Variants in KIFC1 observed in about 807,000 individuals in gnomAD.
KIFC1 encodes kinesin family member C1, also known as kinesin-like protein KIFC1.
KIFC1 carries 37 observed loss-of-function variants against 66.6 expected under a neutral mutation model. The ratio of observed to expected loss-of-function variants is 0.56; its 90% CI spans 0.43 to 0.73. The LOEUF is 0.73. Among genes scored for constraint, KIFC1 ranks in the 30% least tolerant of loss-of-function variants. KIFC1 has a pLI of 0.00. For missense variants in KIFC1, 721 were observed against 859.8 expected (o/e 0.84, Z 2.02); for synonymous variants, 325 against 343.5 (o/e 0.95, Z 0.60).
Position 33,405,256 on chromosome 6 carries a change from GT to G in KIFC1, c.1164del (p.Phe388LeufsTer46). 6.2e-7 allele frequency: 1 copy of G among 1,614,216 alleles called. No individual in the cohort carries two copies. On this transcript the variant is annotated frameshift_variant, in exon 7 of 11. Coordinates refer to ENST00000428849, the MANE Select transcript of KIFC1 (RefSeq NM_002263.4). LOFTEE classifies it high-confidence loss of function. The surrounding 1 kb of genome is among the most constrained non-coding windows in gnomAD (Gnocchi z 5.4). ...CACCAGGAAGTGGACAGGATGAAGT[GT>G]TTGAAGAGATTGCCATGCTTGTCCA... ...FPPGSGQDEV[F>X]EEIAMLVQSA... is the part of the protein sequence containing the mutation.
chr6:33,403,685 A>C lies in KIFC1; in HGVS notation c.356-44A>C. The C allele has an allele frequency of 6.3e-7, 1 of 1,599,902 alleles. No individual in the cohort carries two copies. Among genetic ancestry groups the C allele is most frequent in the Non-Finnish European group, 8.5e-7 (1 of 1,170,608 alleles). On this transcript the variant is annotated intron_variant, in intron 5 of 10. Transcript: ENST00000428849. The surrounding 1 kb of genome is among the most constrained non-coding windows in gnomAD (Gnocchi z 4.6). ...AGGCTAGAAGGGAGGAGGGATAGAG[A>C]GCCTAGACTTCACTGACCTTTGTCC...
In KIFC1 at chr6:33,403,614, G is replaced by T; in HGVS notation, c.355+79G>T. The stretch of plus-strand genomic sequence containing the variant: ...GGTGAGTGACCAGAAAAATCCATTT[G>T]GTCTCTAAGGGGAAGGAGATGTAGC... On this transcript the variant is annotated intron_variant, in intron 5 of 10. Coordinates refer to ENST00000428849, the MANE Select transcript of KIFC1 (RefSeq NM_002263.4). This position sits in a 1 kb window ranked among gnomAD's most constrained non-coding sequence, Gnocchi z 4.6. 1 of 1,576,108 alleles carries T rather than the reference G, an allele frequency of 6.3e-7. No homozygotes were observed. The highest frequency in any genetic ancestry group is 8.7e-7 in the Non-Finnish European group (1 of 1,145,940).
rs527737777 is a variant in KIFC1 at position 33,396,629 on chromosome 6, A to C, written c.13-1400A>C. On this transcript the variant is annotated intron_variant, in intron 1 of 10. Transcript: ENST00000428849. ...GCTAAGGTGGATGTCTGCCTAGCTT[A>C]GCCCTCAAGCTTCTAGAATAGCCCC... is the stretch of plus-strand genomic sequence containing the variant. Among the ~76,000 whole-genome samples the C allele has an allele frequency of 1.2e-3, 176 of 151,266 alleles. 1 individual carries two copies. In the South Asian group the frequency reaches 0.016, roughly 13 times the overall value.
chr6:33,396,075 T>A (rs1775017517), intron 1 of KIFC1, among the ~76,000 whole-genome samples: 1 of 152,228 alleles, frequency 6.6e-6, no homozygotes, highest in African/African-American at 2.4e-5. Flanking sequence ...GTGCTCACAG[T>A]CTTATGTAGG....
chr6:33,398,463 A>C (rs1775207780), intron 3 of KIFC1, 76 bp downstream of exon 3: 1 of 1,159,682 alleles, frequency 8.6e-7, no homozygotes, highest in African/African-American at 1.6e-5. Flanking sequence ...CTTTTCTTTC[A>C]ATTTTATTTT....
In KIFC1 at chr6:33,409,646, G is replaced by A. The variant is rs750247676; in HGVS notation, c.1978G>A (p.Val660Met). ...ATCCTGTCTAACCCCCTGCCCCCAGGTGAACCAGTGTGTTATTGGTACTGC... is the reference window on the plus strand; with the variant it reads ...ATCCTGTCTAACCCCCTGCCCCCAGATGAACCAGTGTGTTATTGGTACTGC... ...SLNSLRFASKVNQCVIGTAQA... is the reference protein window; with the variant it reads ...SLNSLRFASKMNQCVIGTAQA... Residue 660 changes from valine to methionine, a missense_variant and splice_region_variant, in exon 11 of 11, where the codon GTG (valine) becomes ATG (methionine). Transcript: ENST00000428849. 1 of 1,613,266 alleles carries A rather than the reference G, an allele frequency of 6.2e-7. No individual in the cohort carries two copies. Among genetic ancestry groups the A allele is most frequent in the South Asian group, 1.1e-5 (1 of 91,036 alleles).
In KIFC1 at chr6:33,404,861, C is replaced by T; in HGVS notation, c.766C>T (p.Gln256Ter). The change falls in exon 7 of 11, where the codon CAG (glutamine) becomes TAG (stop). Residue 256 changes from glutamine to a stop codon, truncating the protein, a stop_gained. Coordinates refer to ENST00000428849, the MANE Select transcript of KIFC1 (RefSeq NM_002263.4). LOFTEE classifies it high-confidence loss of function. This position sits in a 1 kb window ranked among gnomAD's most constrained non-coding sequence, Gnocchi z 4.0. ...SQLEEKERRL[Q>*]TSEAALSSSQ... ...GTTCTCTTCTGGGCAGAGGAGGCTG[C>T]AGACATCAGAAGCAGCCCTGTCAAG... The T allele has an allele frequency of 6.2e-7, 1 of 1,607,592 alleles. No homozygotes were observed. Among genetic ancestry groups the T allele is most frequent in the Non-Finnish European group, 8.5e-7 (1 of 1,176,008 alleles).
chr6:33,409,025 G>A (rs1255965371), intron 10 of KIFC1, among the ~76,000 whole-genome samples: 4 of 152,124 alleles, frequency 2.6e-5, no homozygotes, highest in African/African-American at 9.7e-5. Context: ...AAAATTCACC[G>A]GGCGTGGTGG....
Position 33,403,407 on chromosome 6 carries a change from G to C in KIFC1, c.304+40G>C. Reference sequence around the variant, plus strand: ...GAGCTGGGTCTGAGAAGGGATTTGGGGTATGTGTAAAGGGAGAATGATGGA... The same window carrying C: ...GAGCTGGGTCTGAGAAGGGATTTGGCGTATGTGTAAAGGGAGAATGATGGA... On this transcript the variant is annotated intron_variant, in intron 4 of 10. Transcript: ENST00000428849. This position sits in a 1 kb window ranked among gnomAD's most constrained non-coding sequence, Gnocchi z 4.6. 1 of 1,611,798 alleles carries C rather than the reference G, an allele frequency of 6.2e-7. No homozygotes were observed. Among genetic ancestry groups the C allele is most frequent in the Non-Finnish European group, 8.5e-7 (1 of 1,177,892 alleles).
rs749636190 is a variant in KIFC1, at chr6:33,405,542, G to A, written c.1447G>A (p.Gly483Ser). The change falls in exon 7 of 11, where the codon GGC (glycine) becomes AGC (serine). Residue 483 changes from glycine (G) to serine (S), a missense_variant. Coordinates refer to ENST00000428849, the MANE Select transcript of KIFC1 (RefSeq NM_002263.4). The surrounding 1 kb of genome is among the most constrained non-coding windows in gnomAD (Gnocchi z 5.4). ...CACTGGAACCCGGAAGGGTCAAGGG[G>A]GCGAGTGTGAGATTCGCCGTGCAGG... ...LATGTRKGQG[G>S]ECEIRRAGPG... 19 of 1,606,786 alleles carry A rather than the reference G, an allele frequency of 1.2e-5. No individual in the cohort carries two copies. The highest frequency in any genetic ancestry group is 8.0e-5 in the African/African-American group (6 of 74,746).
In KIFC1 at chr6:33,403,557, T is replaced by C; in HGVS notation, c.355+22T>C. 2 of 1,612,562 alleles carry C rather than the reference T, an allele frequency of 1.2e-6. No individual in the cohort carries two copies. Among genetic ancestry groups the C allele is most frequent in the Non-Finnish European group, 1.7e-6 (2 of 1,178,598 alleles). The stretch of plus-strand genomic sequence containing the variant: ...GGCAGTAAGTGACAAACATAACCAC[T>C]GGGTGAGAGGCTGGGATAGGGAAGA... On this transcript the variant is annotated intron_variant, in intron 5 of 10. Transcript: ENST00000428849. The surrounding 1 kb of genome is among the most constrained non-coding windows in gnomAD (Gnocchi z 4.6).
chr6:33,397,880 A>G (rs1431965136), intron 1 of KIFC1, 149 bp from the exon 2 acceptor site: 2 of 804,900 alleles, frequency 2.5e-6, no homozygotes, highest in Admixed American at 2.1e-5. Context: ...ACTTCTGTTC[A>G]TGCTGTCTGG....
At chr6:33,398,555 C>G (rs1775214330) in intron 3 of KIFC1, among the ~76,000 whole-genome samples, 168 bp downstream of exon 3, 1 of 152,186 alleles carries the variant, frequency 6.6e-6, no homozygotes, top group South Asian at 2.1e-4. Flanking sequence ...CCTCCTCCTC[C>G]CAGGTTCAAA....
At chr6:33,392,766 C>A (rs772228934) in intron 1 of KIFC1, among the ~76,000 whole-genome samples, 5 of 152,176 alleles carry the variant, frequency 3.3e-5, no homozygotes, top group Non-Finnish European at 5.9e-5. Context: ...GAGATTCTTT[C>A]TCTCGTGACA....
In KIFC1 at chr6:33,404,852, A is replaced by T; in HGVS notation, c.757A>T (p.Arg253Trp). The T allele has an allele frequency of 6.2e-7, 1 of 1,603,544 alleles. No individual in the cohort carries two copies. Among genetic ancestry groups the T allele is most frequent in the South Asian group, 1.1e-5 (1 of 89,666 alleles). The change falls in exon 7 of 11, where the codon AGG (arginine) becomes TGG (tryptophan). Residue 253 changes from arginine (R) to tryptophan (W), a missense_variant and splice_region_variant. By Grantham distance (101) the Arg-to-Trp change is moderately radical. Coordinates refer to ENST00000428849, the MANE Select transcript of KIFC1 (RefSeq NM_002263.4). The surrounding 1 kb of genome is among the most constrained non-coding windows in gnomAD (Gnocchi z 4.0). ...GLMSQLEEKE[R>W]RLQTSEAALS... Reference sequence around the variant, plus strand: ...GTATGTTGTGTTCTCTTCTGGGCAGAGGAGGCTGCAGACATCAGAAGCAGC... The same window carrying T: ...GTATGTTGTGTTCTCTTCTGGGCAGTGGAGGCTGCAGACATCAGAAGCAGC...
intron 1 of KIFC1, among the ~76,000 whole-genome samples, chr6:33,397,332 C>G (rs1486501328): frequency 1.6e-5 from 2 of 124,684 alleles, no homozygotes; most frequent in Non-Finnish European, 3.2e-5. Flanking sequence ...GAGTCTTACT[C>G]TATTGCCCAG....
chr6:33,400,559 TG>T lies in KIFC1; in HGVS notation c.250+2174del. 1.5e-6 allele frequency: 2 copies of T among 1,361,634 alleles called. No homozygotes were observed. The highest frequency in any genetic ancestry group is 2.1e-6 in the Non-Finnish European group (2 of 964,012). 84.3% of individuals were successfully genotyped at this position (1,361,634 alleles called of 1,614,324 possible). On this transcript the variant is annotated intron_variant, in intron 3 of 10. Coordinates refer to ENST00000428849, the MANE Select transcript of KIFC1 (RefSeq NM_002263.4). The surrounding 1 kb of genome is among the most constrained non-coding windows in gnomAD (Gnocchi z 4.3). The stretch of plus-strand genomic sequence containing the variant: ...TTGGGGTCGAACTTCGGTGGCATGG[TG>T]GAGGCAGCTGGTGTCGGATGAACCC...
At position 33,405,183 on chromosome 6, in the gene KIFC1, C is replaced by T; in HGVS notation, c.1088C>T (p.Ala363Val). 1 of 1,614,158 alleles carries T rather than the reference C, an allele frequency of 6.2e-7. No homozygotes were observed. Among genetic ancestry groups the T allele is most frequent in the African/African-American group, 1.3e-5 (1 of 75,054 alleles). Residue 363 changes from alanine to valine, a missense_variant, in exon 7 of 11, where the codon GCA (alanine) becomes GTA (valine). Coordinates refer to ENST00000428849, the MANE Select transcript of KIFC1 (RefSeq NM_002263.4). The surrounding 1 kb of genome is among the most constrained non-coding windows in gnomAD (Gnocchi z 5.4). Reference sequence around the variant, plus strand: ...GAGCGGCGTGGGACCCTGAGTGGGGCACCAGCTCCCCCAACTCGCCATGAT... The same window carrying T: ...GAGCGGCGTGGGACCCTGAGTGGGGTACCAGCTCCCCCAACTCGCCATGAT... ...SDERRGTLSG[A>V]PAPPTRHDFS...
At position 33,404,252 on chromosome 6, in the gene KIFC1, T is replaced by C; in HGVS notation, c.756+123T>C. 1 of 894,980 alleles carries C rather than the reference T, an allele frequency of 1.1e-6. No individual in the cohort carries two copies. Among genetic ancestry groups the C allele is most frequent in the East Asian group, 2.6e-5 (1 of 38,074 alleles). The allele number at this position is 894,980 out of a possible 1,614,324, so 55.4% of individuals were successfully genotyped here. On this transcript the variant is annotated intron_variant, in intron 6 of 10. Coordinates refer to ENST00000428849, the MANE Select transcript of KIFC1 (RefSeq NM_002263.4). The surrounding 1 kb of genome is among the most constrained non-coding windows in gnomAD (Gnocchi z 4.0). ...TCCTGAGCACCTATCTTTAGCAGTA[T>C]AGGTGCTGCTGAAGATACCTCTCTC...
Sources: allele counts gnomAD v4.1 joint callset (sites outside exome capture counted in the v4.1 genomes callset), GRCh38; gene constraint gnomAD v4.1.1; non-coding constraint Gnocchi (gnomAD v3.1); transcripts MANE v1.5; gene names NCBI Gene and HGNC (gene_info 2026-07-23, HGNC 2026-07-21).